The following MAF variants were observed in gnomAD, a reference collection of about 807,000 sequenced individuals.
MAF encodes the protein transcription factor Maf.
A neutral mutation model predicts 22.0 loss-of-function variants in MAF; 10 were observed. The observed-to-expected ratio is 0.45, with a 90% CI of 0.28 to 0.77. MAF has a LOEUF of 0.77. MAF is among the 30% of genes least tolerant of loss of function. The pLI, the probability that MAF is intolerant of heterozygous loss-of-function variation, is 0.12. For synonymous variants in MAF, 337 were observed against 255.8 expected (o/e 1.32, Z -3.03); for missense variants, 544 against 548.4 (o/e 0.99, Z 0.08).
At chr16:79,299,467 G>A in the MAF span, among the ~76,000 whole-genome samples, 1 of 152,320 alleles carries the variant, frequency 6.6e-6, no homozygotes, top group East Asian at 1.9e-4. Context: ...GCCAGGCCTG[G>A]GCGCAAACTG....
At chr16:79,211,550 G>A in the MAF span, 303 of 1,609,762 alleles carry the variant, frequency 1.9e-4, 3 homozygotes, top group Middle Eastern at 1.8e-4. Flanking sequence ...TCGAAATGAC[G>A]CCATCTCATC....
chr16:79,382,797 G>T, the MAF span, among the ~76,000 whole-genome samples: 2 of 152,202 alleles, frequency 1.3e-5, no homozygotes, highest in Non-Finnish European at 2.9e-5. Context: ...CATTTATGTT[G>T]AGGTTTGGAG....
At chr16:79,405,541 A>C in the MAF span, among the ~76,000 whole-genome samples, 9 of 152,320 alleles carry the variant, frequency 5.9e-5, no homozygotes, top group African/African-American at 2.2e-4. Context: ...CTCTTGTCCC[A>C]GGGAGGAAAG....
At chr16:79,269,813 A>C in the MAF span, among the ~76,000 whole-genome samples, 4 of 151,794 alleles carry the variant, frequency 2.6e-5, no homozygotes, top group South Asian at 4.2e-4. Flanking sequence ...ATGAACTCCA[A>C]CCTCCACGGA....
chr16:79,469,439 C>G, the MAF span, among the ~76,000 whole-genome samples: 1 of 152,108 alleles, frequency 6.6e-6, no homozygotes, highest in African/African-American at 2.4e-5. Context: ...CAAGTAGTTA[C>G]CTCTCTGATC....
chr16:79,414,272 A>C, the MAF span, among the ~76,000 whole-genome samples: 1 of 152,182 alleles, frequency 6.6e-6, no homozygotes, highest in Admixed American at 6.5e-5. Flanking sequence ...ACAGTTCTCA[A>C]GCTGTACAAG....
At chr16:79,369,297 C>A in the MAF span, among the ~76,000 whole-genome samples, 751 of 152,268 alleles carry the variant, frequency 4.9e-3, 6 homozygotes, top group African/African-American at 0.017. Context: ...ACAACACAGA[C>A]GGGATCCCTG....
chr16:79,502,739 A>G, the MAF span, among the ~76,000 whole-genome samples: 2 of 119,770 alleles, frequency 1.7e-5, no homozygotes, highest in Admixed American at 7.8e-5. Context: ...ATATATATAT[A>G]TATATATATA....
chr16:79,585,812 T>TA (rs1278117166), downstream of MAF: 13 of 545,284 alleles, frequency 2.4e-5, no homozygotes, highest in African/African-American at 1.2e-4. Context: ...TCCCTTCATT[T>TA]AAAAAAACAA....
the MAF span, among the ~76,000 whole-genome samples, chr16:79,329,886 G>A: frequency 6.6e-6 from 1 of 151,928 alleles, no homozygotes; most frequent in Non-Finnish European, 1.5e-5. Context: ...ACATGGAAAT[G>A]TTGGTTATAT....
At chr16:79,482,205 G>A in the MAF span, among the ~76,000 whole-genome samples, 17 of 152,286 alleles carry the variant, frequency 1.1e-4, no homozygotes, top group Non-Finnish European at 7.4e-5. Flanking sequence ...TCCTAATAAG[G>A]GGAGACCACA....
At chr16:79,353,433 A>T in the MAF span, among the ~76,000 whole-genome samples, 1 of 152,126 alleles carries the variant, frequency 6.6e-6, no homozygotes, top group East Asian at 1.9e-4. Context: ...CTGGCCTCAA[A>T]CCAAGAAATT....
intron 1 of MAF, chr16:79,597,044 TAC>T: frequency 9.5e-7 from 1 of 1,056,934 alleles, no homozygotes; most frequent in Non-Finnish European, 1.1e-6. Flanking sequence ...TGGTTTTCAA[TAC>T]AGTCAGTGGT....
At chr16:79,337,876 C>T in the MAF span, among the ~76,000 whole-genome samples, 5 of 152,162 alleles carry the variant, frequency 3.3e-5, no homozygotes, top group African/African-American at 1.2e-4. Context: ...CGTGGCTTTT[C>T]CTCAATTTAA....
the MAF span, among the ~76,000 whole-genome samples, chr16:79,463,011 A>G: frequency 6.6e-6 from 1 of 152,124 alleles, no homozygotes; most frequent in Non-Finnish European, 1.5e-5. Context: ...GAGAAGGCCC[A>G]CTCTAGGGAG....
At chr16:79,390,962 G>A in the MAF span, among the ~76,000 whole-genome samples, 1 of 152,144 alleles carries the variant, frequency 6.6e-6, no homozygotes, top group South Asian at 2.1e-4. Flanking sequence ...CAGCCCTCAA[G>A]TGCTAGATTT....
At chr16:79,503,329 A>G in the MAF span, among the ~76,000 whole-genome samples, 1 of 152,148 alleles carries the variant, frequency 6.6e-6, no homozygotes, top group Non-Finnish European at 1.5e-5. Flanking sequence ...CACAACCACA[A>G]AGCGACCATC....
chr16:79,589,608 A>C (rs975812043), downstream of MAF, among the ~76,000 whole-genome samples: 2 of 152,132 alleles, frequency 1.3e-5, no homozygotes, highest in African/African-American at 4.8e-5. Flanking sequence ...GATCGGGTGG[A>C]GTGAGGGGGT....
the MAF span, among the ~76,000 whole-genome samples, chr16:79,245,070 G>C: frequency 6.6e-6 from 1 of 151,948 alleles, no homozygotes; most frequent in Non-Finnish European, 1.5e-5. Flanking sequence ...ATTAATTCAA[G>C]TTGAATTAAA....
Sources: gnomAD v4.1 joint callset for allele counts (sites outside exome capture counted in the v4.1 genomes callset) on GRCh38, gnomAD v4.1.1 for gene constraint, MANE v1.5 for transcripts, NCBI Gene and HGNC (gene_info 2026-07-23, HGNC 2026-07-21) for gene names.